The following EYS variants were observed in gnomAD, a reference collection of about 807,000 sequenced individuals.
EYS encodes the protein EGF-like photoreceptor maintenance factor.
Under a neutral mutation model 282.1 loss-of-function variants are expected in EYS, and 250 were observed. The observed-to-expected ratio is 0.89, with a 90% CI of 0.80 to 0.98. EYS has a LOEUF of 0.98. EYS is among the 50% of genes least tolerant of loss of function. The pLI is 0.00. For missense variants in EYS, 4,016 were observed against 3,709.0 expected (o/e 1.08, Z -2.15); for synonymous variants, 1,355 against 1,282.9 (o/e 1.06, Z -1.20).
intron 19 of EYS, among the ~76,000 whole-genome samples, chr6:64,852,235 T>G (rs1451989317): frequency 6.6e-6 from 1 of 152,074 alleles, no homozygotes; most frequent in Non-Finnish European, 1.5e-5. Flanking sequence ...CAAAGGAGAT[T>G]AACATTTGGG....
intron 5 of EYS, among the ~76,000 whole-genome samples, chr6:65,449,533 T>C (rs1314020441): frequency 6.6e-6 from 1 of 152,072 alleles, no homozygotes; most frequent in Non-Finnish European, 1.5e-5. Flanking sequence ...CATTGTTGCC[T>C]ATAATTATTA....
At chr6:64,400,281 C>G (rs573791266) in intron 28 of EYS, 1 of 152,038 alleles carries the variant, frequency 6.6e-6, no homozygotes, top group African/African-American at 2.4e-5. Flanking sequence ...TTCTTTCATA[C>G]TTAAAATTCT....
chr6:64,286,949 C>A (rs1473817978), intron 30 of EYS, among the ~76,000 whole-genome samples: 2 of 151,880 alleles, frequency 1.3e-5, no homozygotes, highest in Non-Finnish European at 2.9e-5. Context: ...ATATCTGGTA[C>A]AATAATCTTA....
At chr6:64,390,114 G>A (rs868369294) in intron 28 of EYS, among the ~76,000 whole-genome samples, 1 of 152,152 alleles carries the variant, frequency 6.6e-6, no homozygotes. Context: ...ACCTGGCTCC[G>A]AGGGTCCTAC....
intron 19 of EYS, among the ~76,000 whole-genome samples, chr6:64,851,512 T>C (rs1245855796): frequency 1.3e-5 from 2 of 152,080 alleles, no homozygotes; most frequent in African/African-American, 2.4e-5. Context: ...GTTATTTAGA[T>C]TAAATTGTAG....
intron 5 of EYS, among the ~76,000 whole-genome samples, chr6:65,448,681 TACAA>T (rs1260428742): frequency 6.6e-6 from 1 of 152,074 alleles, no homozygotes; most frequent in Non-Finnish European, 1.5e-5. Context: ...ATAAAGCTCT[TACAA>T]ACATATTTTT....
Position 63,837,697 on chromosome 6 carries a change from G to A in EYS, c.7228+26489C>T, listed in dbSNP as rs542003332. ...TTATTGTGGTTTCAGTGTAACTATC[G>A]TCCAAATTAAGAACTATTGGACTCT... On this transcript the variant is annotated intron_variant, in intron 36 of 42. Coordinates refer to ENST00000503581, the MANE Select transcript of EYS (RefSeq NM_001142800.2). Among the ~76,000 whole-genome samples, 65 of 152,150 alleles carry A rather than the reference G, an allele frequency of 4.3e-4. 1 individual carries two copies. Among genetic ancestry groups the A allele is most frequent in the East Asian group, 7.7e-4 (4 of 5,182 alleles).
At chr6:64,978,767 G>T (rs1472880966) in intron 14 of EYS, among the ~76,000 whole-genome samples, 1 of 151,912 alleles carries the variant, frequency 6.6e-6, no homozygotes, top group African/African-American at 2.4e-5. Flanking sequence ...AATGTTCACA[G>T]AAGACTTTGA....
rs114324497 is a variant in EYS, at chr6:64,075,957, A to G, written c.6571+5899T>C. Among the ~76,000 whole-genome samples the G allele has an allele frequency of 4.9e-3, 742 of 152,012 alleles. 7 individuals are homozygous for G. The highest frequency in any genetic ancestry group is 0.017 in the African/African-American group (711 of 41,524). On this transcript the variant is annotated intron_variant, in intron 32 of 42. Coordinates refer to ENST00000503581, the MANE Select transcript of EYS (RefSeq NM_001142800.2). ...ATTCTGACACTGTCTGATTTTGTAA[A>G]TCTTAATTGAAACATGGCCGTACTC...
intron 30 of EYS, among the ~76,000 whole-genome samples, chr6:64,255,568 G>T (rs546954763): frequency 6.6e-6 from 1 of 152,008 alleles, no homozygotes; most frequent in Admixed American, 6.6e-5. Context: ...TTTCTAATTG[G>T]ATTAAACAGA....
chr6:65,072,113 G>A (rs968144309), intron 12 of EYS, among the ~76,000 whole-genome samples: 1 of 151,772 alleles, frequency 6.6e-6, no homozygotes, highest in Admixed American at 6.6e-5. Context: ...TACAATGTGG[G>A]ATTAAAACAG....
At chr6:64,273,106 C>T (rs2150358116) in intron 30 of EYS, among the ~76,000 whole-genome samples, 1 of 152,130 alleles carries the variant, frequency 6.6e-6, no homozygotes, top group African/African-American at 2.4e-5. Flanking sequence ...AGTTCATTAC[C>T]ATGATGAATG....
chr6:64,765,990 A>T (rs1231130725), intron 22 of EYS, among the ~76,000 whole-genome samples: 1 of 152,142 alleles, frequency 6.6e-6, no homozygotes, highest in Non-Finnish European at 1.5e-5. Flanking sequence ...ATTTTCAAGT[A>T]ATTAGGGTCA....
chr6:64,957,354 T>C (rs1769743640), intron 14 of EYS, among the ~76,000 whole-genome samples: 1 of 152,102 alleles, frequency 6.6e-6, no homozygotes, highest in Non-Finnish European at 1.5e-5. Flanking sequence ...TGTTCTCACT[T>C]AGTTGTGAGA....
intron 22 of EYS, among the ~76,000 whole-genome samples, chr6:64,654,289 G>A (rs1010987323): frequency 1.3e-5 from 2 of 152,166 alleles, no homozygotes; most frequent in Non-Finnish European, 2.9e-5. Context: ...CAAATAATAT[G>A]CATATCTCTA....
chr6:64,072,748 C>T (rs1418845228), intron 32 of EYS, among the ~76,000 whole-genome samples: 1 of 151,942 alleles, frequency 6.6e-6, no homozygotes, highest in Non-Finnish European at 1.5e-5. Flanking sequence ...ATCGTTTCTA[C>T]TCAGAAGCTT....
At chr6:65,445,263 C>A (rs1768609879) in intron 5 of EYS, among the ~76,000 whole-genome samples, 1 of 151,822 alleles carries the variant, frequency 6.6e-6, no homozygotes, top group African/African-American at 2.4e-5. Flanking sequence ...AAAATGATCA[C>A]TTTTATTAAT....
chr6:64,536,362 TGTC>T (rs1764518412), intron 26 of EYS, among the ~76,000 whole-genome samples: 1 of 152,192 alleles, frequency 6.6e-6, no homozygotes, highest in South Asian at 2.1e-4. Context: ...TCACCTTAAC[TGTC>T]AGCAGGAATT....
At chr6:65,151,282 C>CAGG (rs1317289116) in intron 12 of EYS, among the ~76,000 whole-genome samples, 1 of 151,874 alleles carries the variant, frequency 6.6e-6, no homozygotes, top group Non-Finnish European at 1.5e-5. Flanking sequence ...GATTAACATG[C>CAGG]AGGAGGTTAT....
Sources: allele counts gnomAD v4.1 joint callset (sites outside exome capture counted in the v4.1 genomes callset), GRCh38; gene constraint gnomAD v4.1.1; transcripts MANE v1.5; gene names NCBI Gene and HGNC (gene_info 2026-07-23, HGNC 2026-07-21).